Variants in DLEU7 observed in about 807,000 individuals in gnomAD.
DLEU7 encodes the protein leukemia-associated protein 7.
DLEU7 carries 17 observed loss-of-function variants against 16.0 expected under a neutral mutation model. That is an observed-to-expected ratio of 1.06 (90% CI 0.73 to 1.59). The LOEUF (loss-of-function observed/expected upper bound fraction) is 1.59, where lower values mean the gene tolerates loss of function less well. DLEU7 is among the 40% of genes most tolerant of loss of function. DLEU7 has a pLI of 0.00. For missense variants in DLEU7, 308 were observed against 314.9 expected, an observed-to-expected ratio of 0.98 and a Z score of 0.17; for synonymous variants, 113 against 139.8, an observed-to-expected ratio of 0.81 and a Z score of 1.35.
chr13:50,737,894 T>G (rs1037677954), intron 1 of DLEU7, among the ~76,000 whole-genome samples: 7 of 148,874 alleles, frequency 4.7e-5, no homozygotes, highest in African/African-American at 1.8e-4. Flanking sequence ...AAACCCAAGA[T>G]GGGCCAAAAG....
intron 1 of DLEU7, among the ~76,000 whole-genome samples, chr13:50,789,460 T>C (rs995335242): frequency 6.7e-6 from 1 of 149,180 alleles, no homozygotes; most frequent in African/African-American, 2.5e-5. Context: ...ACAAGATTCT[T>C]GAGAGCAGGA....
At chr13:50,761,239 G>A (rs1000910274) in intron 1 of DLEU7, among the ~76,000 whole-genome samples, 10 of 152,158 alleles carry the variant, frequency 6.6e-5, no homozygotes, top group African/African-American at 1.9e-4. Context: ...GGGGAAGGAG[G>A]GCAGAATGTT....
chr13:50,795,721 T>C, intron 1 of DLEU7, among the ~76,000 whole-genome samples: 1 of 152,228 alleles, frequency 6.6e-6, no homozygotes, highest in East Asian at 1.9e-4. Flanking sequence ...TTTAATATTA[T>C]TTTTATCAGC....
downstream of DLEU7, chr13:50,711,870 A>T (rs1015397951): frequency 6.7e-6 from 1 of 149,440 alleles, no homozygotes; most frequent in African/African-American, 2.5e-5. Flanking sequence ...GCCAGCTCCA[A>T]GGTCACACAG....
At chr13:50,718,740 T>G (rs1458702716) in intron 1 of DLEU7, among the ~76,000 whole-genome samples, 1 of 152,244 alleles carries the variant, frequency 6.6e-6, no homozygotes, top group East Asian at 1.9e-4. Context: ...AGATAATGTG[T>G]GACCATTAAA....
intron 1 of DLEU7, among the ~76,000 whole-genome samples, chr13:50,720,263 T>C (rs1017637320): frequency 1.3e-5 from 2 of 152,182 alleles, no homozygotes; most frequent in African/African-American, 4.8e-5. Flanking sequence ...GGGGCATAGA[T>C]ACAACCTCAA....
chr13:50,842,388 A>T (rs1199374353), intron 1 of DLEU7, among the ~76,000 whole-genome samples: 2 of 152,196 alleles, frequency 1.3e-5, no homozygotes, highest in African/African-American at 4.8e-5. Flanking sequence ...AGAATGTCTC[A>T]GAGAGATTCG....
chr13:50,784,999 AAGG>A (rs1246997831), intron 1 of DLEU7, among the ~76,000 whole-genome samples: 5 of 152,136 alleles, frequency 3.3e-5, no homozygotes, highest in Admixed American at 1.3e-4. Context: ...CTGCTTATAT[AAGG>A]AGAAGAGACA....
intron 1 of DLEU7, among the ~76,000 whole-genome samples, chr13:50,754,699 C>T (rs1177341791): frequency 6.6e-6 from 1 of 152,110 alleles, no homozygotes; most frequent in Admixed American, 6.5e-5. Context: ...TATGAAGTAC[C>T]ATTGCATTCA....
intron 1 of DLEU7, among the ~76,000 whole-genome samples, chr13:50,777,543 T>C (rs970127489): frequency 6.6e-6 from 1 of 152,234 alleles, no homozygotes; most frequent in African/African-American, 2.4e-5. Flanking sequence ...CTTGTGATCA[T>C]GTGAGTTTAA....
Position 50,796,100 on chromosome 13 carries a change from A to G in DLEU7, c.459+47088T>C, listed in dbSNP as rs936218249. Among the ~76,000 whole-genome samples, 3 of 152,112 alleles carry G rather than the reference A, an allele frequency of 2.0e-5. No homozygotes were observed. In the East Asian group the frequency reaches 5.8e-4, roughly 29 times the overall value. ...TATTCCCCCCTTATCTGAGGGAGCT[A>G]TGTTCCAAGACCACCAGTGGATGCC... On this transcript the variant is annotated intron_variant, in intron 1 of 1. Coordinates refer to the DLEU7 transcript ENST00000400393.
intron 1 of DLEU7, among the ~76,000 whole-genome samples, chr13:50,728,739 T>C (rs192745454): frequency 6.6e-6 from 1 of 152,346 alleles, no homozygotes; most frequent in Admixed American, 6.5e-5. Flanking sequence ...GATAACTTAG[T>C]CATTTTAAGG....
chr13:50,812,403 G>A (rs1290762666), intron 1 of DLEU7, among the ~76,000 whole-genome samples: 1 of 152,112 alleles, frequency 6.6e-6, no homozygotes, highest in Non-Finnish European at 1.5e-5. Context: ...CACATCTGCT[G>A]ACTCAGGGCT....
chr13:50,807,865 T>C (rs1876440391), intron 1 of DLEU7: 1 of 152,098 alleles, frequency 6.6e-6, no homozygotes, highest in Non-Finnish European at 1.5e-5. Flanking sequence ...GATCAGCATG[T>C]GCAAAGATGA....
chr13:50,753,758 T>A (rs1170288344), intron 1 of DLEU7, among the ~76,000 whole-genome samples: 2 of 152,166 alleles, frequency 1.3e-5, no homozygotes, highest in Non-Finnish European at 1.5e-5. Context: ...GCTCCCACAG[T>A]GCAGCGGTAG....
chr13:50,780,166 G>A (rs1332934137), intron 1 of DLEU7, among the ~76,000 whole-genome samples: 1 of 152,120 alleles, frequency 6.6e-6, no homozygotes, highest in East Asian at 1.9e-4. Context: ...AGCCATGGTG[G>A]AGCCCCTGAG....
intron 1 of DLEU7, among the ~76,000 whole-genome samples, chr13:50,841,035 G>C (rs146535372): frequency 4.1e-4 from 63 of 152,288 alleles, no homozygotes; most frequent in Middle Eastern, 6.8e-3. Flanking sequence ...ATAGTTTATA[G>C]TGGACTGCTT....
intron 1 of DLEU7, among the ~76,000 whole-genome samples, chr13:50,725,592 G>T (rs1418400714): frequency 1.3e-5 from 2 of 152,146 alleles, no homozygotes; most frequent in Admixed American, 6.5e-5. Flanking sequence ...GTGAGCCCGT[G>T]TAGCATAATT....
downstream of DLEU7, among the ~76,000 whole-genome samples, chr13:50,821,339 G>A (rs746100369): frequency 5.3e-5 from 8 of 151,722 alleles, no homozygotes; most frequent in East Asian, 7.8e-4. Flanking sequence ...GTGGGGGAGG[G>A]GTGTAAAAAG....
Sources: allele counts gnomAD v4.1 joint callset (sites outside exome capture counted in the v4.1 genomes callset), GRCh38; gene constraint gnomAD v4.1.1; transcripts MANE v1.5; gene names NCBI Gene and HGNC (gene_info 2026-07-23, HGNC 2026-07-21).